The following CDHR3 variants were observed in gnomAD, a reference collection of about 807,000 sequenced individuals.
CDHR3 encodes cadherin-related family member 3.
In CDHR3, 79 loss-of-function variants were observed where a neutral mutation model predicts 86.6. The ratio of observed to expected loss-of-function variants is 0.91; its 90% CI spans 0.76 to 1.10. The LOEUF (loss-of-function observed/expected upper bound fraction) is 1.10, where lower values mean the gene tolerates loss of function less well. Among genes scored for constraint, CDHR3 ranks in the 50% least tolerant of loss-of-function variants. The pLI is 0.00. For missense variants in CDHR3, 1,081 were observed against 1,077.6 expected (o/e 1.00, Z -0.04); for synonymous variants, 421 against 402.4 (o/e 1.05, Z -0.55).
chr7:106,009,945 G>A (rs1414359556), intron 8 of CDHR3, among the ~76,000 whole-genome samples: 1 of 152,212 alleles, frequency 6.6e-6, no homozygotes, highest in Non-Finnish European at 1.5e-5. Context: ...AGGGCAGCTC[G>A]CTTTTGAGGC....
chr7:106,019,650 C>A (rs549232709), intron 12 of CDHR3, among the ~76,000 whole-genome samples: 2 of 152,096 alleles, frequency 1.3e-5, no homozygotes, highest in Non-Finnish European at 2.9e-5. Context: ...TAAAAGACAG[C>A]GATGAAAGAG....
At position 106,015,011 on chromosome 7, in the gene CDHR3, C is replaced by A. The variant is rs957851937; in HGVS notation, c.1225-100C>A. On this transcript the variant is annotated intron_variant, in intron 9 of 18. Coordinates refer to ENST00000317716, the MANE Select transcript of CDHR3 (RefSeq NM_152750.5). ...CAAAGTGTTTGCCAAAAGCGTTTTG[C>A]CAATTTATATATCCACTAGCAGTAT... 10 of 936,514 alleles carry A rather than the reference C, an allele frequency of 1.1e-5. No individual in the cohort carries two copies. In the African/African-American group the frequency reaches 1.7e-4, roughly 16 times the overall value. The allele number at this position is 936,514 out of a possible 1,614,324, so 58.0% of individuals were successfully genotyped here.
chr7:105,969,439 G>C (rs1197571618), intron 1 of CDHR3, among the ~76,000 whole-genome samples: 1 of 151,652 alleles, frequency 6.6e-6, no homozygotes. Flanking sequence ...TTGTAACCGT[G>C]GGTCCTAGGA....
intron 4 of CDHR3, among the ~76,000 whole-genome samples, chr7:105,986,537 C>T (rs1357573833): frequency 6.6e-6 from 1 of 152,154 alleles, no homozygotes; most frequent in Non-Finnish European, 1.5e-5. Context: ...ATTTATTTAA[C>T]CAAAGTTTTA....
chr7:106,025,510 A>G (rs969206052), intron 15 of CDHR3, among the ~76,000 whole-genome samples: 6 of 152,236 alleles, frequency 3.9e-5, no homozygotes, highest in African/African-American at 1.4e-4. Flanking sequence ...TATTCTTCAC[A>G]GATGAGTCCC....
At chr7:105,994,687 A>G in intron 4 of CDHR3, 64 bp from the exon 5 acceptor site, 2 of 1,077,226 alleles carry the variant, frequency 1.9e-6, no homozygotes, top group Admixed American at 2.0e-5. Context: ...ATGAGCACAC[A>G]CATCTTCTGG....
At chr7:105,997,587 G>C (rs1033398595) in intron 6 of CDHR3, among the ~76,000 whole-genome samples, 1 of 152,028 alleles carries the variant, frequency 6.6e-6, no homozygotes, top group Admixed American at 6.5e-5. Flanking sequence ...ACACAGCTCT[G>C]CAGATTCTTC....
At chr7:105,994,665 A>G (rs550367824) in intron 4 of CDHR3, 86 bp from the exon 5 acceptor site, 1 of 924,278 alleles carries the variant, frequency 1.1e-6, no homozygotes, top group East Asian at 2.6e-5. Flanking sequence ...GGCTAAGAAC[A>G]TAAAATAGGA....
In CDHR3 at chr7:106,032,397, CG is replaced by C; in HGVS notation, c.2362del (p.Glu788LysfsTer18). ...FDGEAIDPVT[G>X]ETYEFNSKTG... ...GTTGTATTTTTTTTTCACTAGTGACCGGGGAAACATATGAATTCAACTCAAA... is the reference window on the plus strand; with the variant it reads ...GTTGTATTTTTTTTTCACTAGTGACCGGGAAACATATGAATTCAACTCAAA... On this transcript the variant is annotated frameshift_variant, in exon 19 of 19. Transcript: ENST00000317716. LOFTEE classifies it high-confidence loss of function. 2 of 1,602,836 alleles carry C rather than the reference CG, an allele frequency of 1.2e-6. No homozygotes were observed. The highest frequency in any genetic ancestry group is 1.1e-5 in the South Asian group (1 of 90,084).
chr7:106,024,553 A>G lies in CDHR3; in HGVS notation c.2249A>G (p.Lys750Arg). Reference protein sequence around the residue: ...RHCPCKTGKNKEPLTKKGETK... With the variant: ...RHCPCKTGKNREPLTKKGETK... ...TGCCCCTGCAAGACTGGGAAGAACAAGGAACCTCTGTAAGTTGCCAGTGGG... is the reference window on the plus strand; with the variant it reads ...TGCCCCTGCAAGACTGGGAAGAACAGGGAACCTCTGTAAGTTGCCAGTGGG... Residue 750 changes from lysine to arginine, a missense_variant, in exon 15 of 19, where the codon AAG (lysine) becomes AGG (arginine). Physicochemically the swap from Lys to Arg is conservative, Grantham distance 26. Coordinates refer to ENST00000317716, the MANE Select transcript of CDHR3 (RefSeq NM_152750.5). 6.2e-7 allele frequency: 1 copy of G among 1,613,986 alleles called. No homozygotes were observed. The highest frequency in any genetic ancestry group is 8.5e-7 in the Non-Finnish European group (1 of 1,179,870).
At chr7:106,016,862 A>T (rs1338895931) in intron 11 of CDHR3, among the ~76,000 whole-genome samples, 1 of 152,240 alleles carries the variant, frequency 6.6e-6, no homozygotes, top group Non-Finnish European at 1.5e-5. Flanking sequence ...GCTTTCTGGG[A>T]ATTCACAGAT....
chr7:106,016,792 A>G (rs1161805027), intron 11 of CDHR3, among the ~76,000 whole-genome samples: 6 of 152,350 alleles, frequency 3.9e-5, no homozygotes, highest in Middle Eastern at 3.4e-3. Context: ...TGCAAGTCCA[A>G]AGAAAATGCT....
chr7:106,004,733 G>A (rs1393414257), intron 8 of CDHR3, 46 bp downstream of exon 8: 2 of 1,578,952 alleles, frequency 1.3e-6, no homozygotes, highest in Non-Finnish European at 1.7e-6. Flanking sequence ...TCTCTTTGGT[G>A]GCCCTCTGCC....
At chr7:106,016,185 T>C (rs1835603465) in intron 11 of CDHR3, among the ~76,000 whole-genome samples, 160 bp downstream of exon 11, 1 of 152,184 alleles carries the variant, frequency 6.6e-6, no homozygotes, top group Admixed American at 6.5e-5. Context: ...TTCTTTTAAA[T>C]TTTCCTCGCT....
intron 13 of CDHR3, among the ~76,000 whole-genome samples, chr7:106,021,260 A>G (rs937481097): frequency 5.3e-5 from 8 of 152,084 alleles, no homozygotes; most frequent in African/African-American, 1.2e-4. Flanking sequence ...AAGCAGAACA[A>G]TTCCACGTGA....
At chr7:105,966,624 A>G (rs1425457999) in intron 1 of CDHR3, among the ~76,000 whole-genome samples, 2 of 152,210 alleles carry the variant, frequency 1.3e-5, no homozygotes, top group Admixed American at 6.5e-5. Context: ...ATCAGGCCCA[A>G]AGAGTGTTGC....
chr7:106,023,947 G>C (rs1461346647), intron 14 of CDHR3, among the ~76,000 whole-genome samples: 1 of 152,090 alleles, frequency 6.6e-6, no homozygotes, highest in African/African-American at 2.4e-5. Context: ...TCAGCCCACT[G>C]CTCTGGCAGT....
chr7:105,964,490 C>A (rs1050476568), intron 1 of CDHR3, among the ~76,000 whole-genome samples: 1 of 151,918 alleles, frequency 6.6e-6, no homozygotes, highest in African/African-American at 2.4e-5. Context: ...GACATTCTGA[C>A]CATTATTAAA....
At chr7:105,979,837 T>C (rs940832333) in intron 2 of CDHR3, among the ~76,000 whole-genome samples, 2 of 152,242 alleles carry the variant, frequency 1.3e-5, no homozygotes, top group Admixed American at 6.5e-5. Flanking sequence ...TAGTCCTCAA[T>C]GTCCCCAGGG....
Sources: gnomAD v4.1 joint callset for allele counts (sites outside exome capture counted in the v4.1 genomes callset) on GRCh38, gnomAD v4.1.1 for gene constraint, MANE v1.5 for transcripts, NCBI Gene and HGNC (gene_info 2026-07-23, HGNC 2026-07-21) for gene names.